Variants in SUGCT observed in about 807,000 individuals in gnomAD.
SUGCT encodes the protein succinyl-CoA:glutarate-CoA transferase.
In SUGCT, 41 loss-of-function variants were observed where a neutral mutation model predicts 55.0. The ratio of observed to expected loss-of-function variants is 0.74; its 90% CI spans 0.58 to 0.97. The LOEUF is 0.97. SUGCT is among the 50% of genes least tolerant of loss of function. SUGCT has a pLI of 0.00. For synonymous variants in SUGCT, 187 were observed against 200.4 expected, an observed-to-expected ratio of 0.93 and a Z score of 0.56; for missense variants, 568 against 547.8, an observed-to-expected ratio of 1.04 and a Z score of -0.37.
chr7:40,861,304 T>C (rs1176231911), downstream of SUGCT, among the ~76,000 whole-genome samples: 1 of 152,220 alleles, frequency 6.6e-6, no homozygotes, highest in Non-Finnish European at 1.5e-5. Flanking sequence ...TTATACATCA[T>C]GACAGATAAA....
At chr7:40,326,054 A>G (rs1029304807) in intron 9 of SUGCT, among the ~76,000 whole-genome samples, 15 of 152,040 alleles carry the variant, frequency 9.9e-5, no homozygotes, top group Non-Finnish European at 2.2e-4. Flanking sequence ...GCTGTAGGGC[A>G]AGTGTAGGTT....
the SUGCT span, among the ~76,000 whole-genome samples, chr7:40,943,887 G>A: frequency 6.6e-6 from 1 of 151,182 alleles, no homozygotes; most frequent in Admixed American, 6.6e-5. Flanking sequence ...CTAGTTTACA[G>A]TCCCACCAAC....
At chr7:40,595,634 T>C (rs749471898) in intron 12 of SUGCT, among the ~76,000 whole-genome samples, 17 of 148,912 alleles carry the variant, frequency 1.1e-4, no homozygotes, top group Non-Finnish European at 2.1e-4. Context: ...CTTTTCTTTT[T>C]CATGCCACAA....
At chr7:40,383,128 G>T (rs1370866644) in intron 9 of SUGCT, among the ~76,000 whole-genome samples, 1 of 152,160 alleles carries the variant, frequency 6.6e-6, no homozygotes, top group Non-Finnish European at 1.5e-5. Context: ...CTGTGAAAGT[G>T]ATGAAGAGTT....
chr7:40,633,700 G>T (rs989730323), intron 12 of SUGCT, among the ~76,000 whole-genome samples: 3 of 152,132 alleles, frequency 2.0e-5, no homozygotes, highest in Admixed American at 1.3e-4. Context: ...AGATTTAAAG[G>T]CTCATAAAGG....
At chr7:40,446,334 C>T (rs759384861) in intron 9 of SUGCT, among the ~76,000 whole-genome samples, 6 of 151,398 alleles carry the variant, frequency 4.0e-5, no homozygotes, top group African/African-American at 1.5e-4. Flanking sequence ...CTTATTCGCC[C>T]CCCATCTCAC....
At chr7:40,227,608 T>A (rs1360076486) in intron 6 of SUGCT, among the ~76,000 whole-genome samples, 1 of 152,118 alleles carries the variant, frequency 6.6e-6, no homozygotes, top group Non-Finnish European at 1.5e-5. Context: ...GTCAACTTTA[T>A]TTTATAAAAA....
chr7:40,237,172 G>A (rs919256870), intron 6 of SUGCT, among the ~76,000 whole-genome samples: 1 of 151,120 alleles, frequency 6.6e-6, no homozygotes, highest in African/African-American at 2.4e-5. Flanking sequence ...GGCCAGGCGC[G>A]GTGGCTCATG....
At chr7:40,457,581 A>C (rs757765874) in intron 10 of SUGCT, among the ~76,000 whole-genome samples, 4 of 152,194 alleles carry the variant, frequency 2.6e-5, no homozygotes, top group Non-Finnish European at 5.9e-5. Flanking sequence ...TAAGCTCCAA[A>C]ATAATAGTTA....
the SUGCT span, among the ~76,000 whole-genome samples, chr7:40,945,392 C>T: frequency 6.6e-6 from 1 of 152,144 alleles, no homozygotes; most frequent in Non-Finnish European, 1.5e-5. Context: ...TGTAACTCTA[C>T]CCCTCATGCA....
intron 12 of SUGCT, among the ~76,000 whole-genome samples, chr7:40,545,273 A>G (rs963099575): frequency 7.2e-5 from 11 of 152,224 alleles, no homozygotes; most frequent in African/African-American, 2.2e-4. Flanking sequence ...GGTATTTCTC[A>G]GTGAAGGTCA....
the SUGCT span, among the ~76,000 whole-genome samples, chr7:40,940,379 A>G: frequency 6.6e-6 from 1 of 152,038 alleles, no homozygotes; most frequent in African/African-American, 2.4e-5. Context: ...TTTTGGTTCC[A>G]TATGAATTTT....
the SUGCT span, among the ~76,000 whole-genome samples, chr7:41,014,694 T>G: frequency 0.019 from 2,881 of 152,300 alleles, 82 homozygotes; most frequent in African/African-American, 0.065. Flanking sequence ...GGGATGGTTT[T>G]TAAACAAGGA....
intron 1 of SUGCT, among the ~76,000 whole-genome samples, chr7:40,142,089 C>T (rs1162400458): frequency 6.6e-6 from 1 of 151,668 alleles, no homozygotes; most frequent in Non-Finnish European, 1.5e-5. Context: ...GGAGAATGAG[C>T]AGGTAATCGG....
intron 12 of SUGCT, among the ~76,000 whole-genome samples, chr7:40,514,924 A>C (rs1793153239): frequency 6.6e-6 from 1 of 152,326 alleles, no homozygotes; most frequent in Admixed American, 6.5e-5. Flanking sequence ...TTTATTTTTA[A>C]ATGTGAAATA....
intron 7 of SUGCT, among the ~76,000 whole-genome samples, chr7:40,265,622 T>C (rs73318532): frequency 0.022 from 3,368 of 152,176 alleles, 112 homozygotes; most frequent in African/African-American, 0.077. Flanking sequence ...TATTTAATTT[T>C]GTGATTTAAG....
the SUGCT span, among the ~76,000 whole-genome samples, chr7:40,908,623 T>G: frequency 1.3e-5 from 2 of 152,166 alleles, no homozygotes; most frequent in Non-Finnish European, 2.9e-5. Flanking sequence ...ACAGCCCTTC[T>G]TTTCCTTAAC....
At chr7:40,781,341 A>C (rs558091641) in intron 13 of SUGCT, among the ~76,000 whole-genome samples, 1 of 152,284 alleles carries the variant, frequency 6.6e-6, no homozygotes, top group South Asian at 2.1e-4. Context: ...TAGCGATGGA[A>C]ATCATAATAA....
At chr7:40,947,654 T>C in the SUGCT span, among the ~76,000 whole-genome samples, 1 of 152,206 alleles carries the variant, frequency 6.6e-6, no homozygotes, top group Non-Finnish European at 1.5e-5. Flanking sequence ...GTTGCTGATA[T>C]TGTTTGTTTA....
Sources: gnomAD v4.1 joint callset for allele counts (sites outside exome capture counted in the v4.1 genomes callset) on GRCh38, gnomAD v4.1.1 for gene constraint, MANE v1.5 for transcripts, NCBI Gene and HGNC (gene_info 2026-07-23, HGNC 2026-07-21) for gene names.